The following ZIM2 variants were observed in gnomAD, a reference collection of about 807,000 sequenced individuals.
The protein encoded by ZIM2 is zinc finger imprinted 2.
ZIM2 carries 14 observed loss-of-function variants against 38.6 expected under a neutral mutation model. That is an observed-to-expected ratio of 0.36 (90% CI 0.24 to 0.57). The LOEUF (loss-of-function observed/expected upper bound fraction) is 0.57. Among genes scored for constraint, ZIM2 ranks in the 20% least tolerant of loss-of-function variants. ZIM2 has a pLI of 0.81. For missense variants in ZIM2, 680 were observed against 695.1 expected (o/e 0.98, Z 0.24); for synonymous variants, 247 against 245.8 (o/e 1.00, Z -0.04).
At chr19:56,800,081 T>C (rs1445477430) in intron 9 of ZIM2, among the ~76,000 whole-genome samples, 1 of 152,164 alleles carries the variant, frequency 6.6e-6, no homozygotes, top group African/African-American at 2.4e-5. Flanking sequence ...GGATTGACAA[T>C]ATTGTTTTGT....
At chr19:56,804,062 G>A (rs1236954678) in intron 9 of ZIM2, among the ~76,000 whole-genome samples, 2 of 152,204 alleles carry the variant, frequency 1.3e-5, no homozygotes, top group East Asian at 1.9e-4. Context: ...CAAAAAGGTG[G>A]CTGGGACTCA....
chr19:56,792,940 G>A (rs561643580), intron 9 of ZIM2: 2 of 152,484 alleles, frequency 1.3e-5, no homozygotes, highest in East Asian at 1.9e-4. Context: ...CTCCTATTAC[G>A]TGCCAGGCAT....
chr19:56,838,262 G>A (rs1455105654), intron 1 of ZIM2, among the ~76,000 whole-genome samples: 1 of 151,976 alleles, frequency 6.6e-6, no homozygotes, highest in Non-Finnish European at 1.5e-5. Context: ...ACCAGGCTCG[G>A]CAGCCCCTAG....
chr19:56,810,023 TA>T, intron 9 of ZIM2: 1 of 413,860 alleles, frequency 2.4e-6, no homozygotes, highest in Non-Finnish European at 3.2e-6. Context: ...TTTATAACTC[TA>T]ACAAAATAAC....
rs138448730 is a variant in ZIM2, at chr19:56,814,877, G to T, written c.490+2869C>A. On this transcript the variant is annotated intron_variant, in intron 9 of 12. Transcript: ENST00000629319. This position sits in a 1 kb window ranked among gnomAD's most constrained non-coding sequence, Gnocchi z 5.8. ...TCACACCCCTTCATGGAATACAACT[G>T]GTCTTGTTCATGGATTCTCTGATGC... 2.5e-6 allele frequency: 4 copies of T among 1,613,962 alleles called. No homozygotes were observed. In the African/African-American group the frequency reaches 5.3e-5, roughly 22 times the overall value.
At chr19:56,787,624 A>G (rs928357695) in intron 10 of ZIM2, among the ~76,000 whole-genome samples, 5 of 147,752 alleles carry the variant, frequency 3.4e-5, no homozygotes, top group African/African-American at 1.3e-4. Context: ...CTCTTTTTCT[A>G]TTGTTTGGAA....
chr19:56,817,920 T>C (rs1423814832), intron 8 of ZIM2, 82 bp from the exon 9 acceptor site: 2 of 1,091,556 alleles, frequency 1.8e-6, no homozygotes, highest in African/African-American at 1.5e-5. Context: ...CATCTTTCAC[T>C]GAGCCACTAA....
intron 9 of ZIM2, chr19:56,813,201 C>CA (rs35563894): frequency 0.024 from 20,378 of 834,092 alleles, 63 homozygotes; most frequent in African/African-American, 0.057. Context: ...CTTCCTCCTC[C>CA]AAAAAAAAAA....
intron 9 of ZIM2, chr19:56,798,415 A>C (rs1318272080): frequency 3.3e-5 from 5 of 152,224 alleles, no homozygotes; most frequent in Admixed American, 3.3e-4. Flanking sequence ...CCATATGCAG[A>C]AAGTTGAAAC....
In ZIM2 at chr19:56,782,116, C is replaced by G; in HGVS notation, c.576G>C (p.Pro192=). ...GAAATGTTCCTAAGTGTTTGAAGTCCGGGAACTATCCCAGAGAGAGGAGAA... is the reference window on the plus strand; with the variant it reads ...GAAATGTTCCTAAGTGTTTGAAGTCGGGGAACTATCCCAGAGAGAGGAGAA... ...DNLPSAGSQF[P]DFKHLGTFLV... Residue 192 remains proline (P), a synonymous_variant, in exon 11 of 13, where the codon CCG becomes CCC. Coordinates refer to ENST00000629319, the MANE Select transcript of ZIM2 (RefSeq NM_001387356.1). The G allele has an allele frequency of 1.2e-6, 2 of 1,613,390 alleles. No homozygotes were observed. The highest frequency in any genetic ancestry group is 2.2e-5 in the South Asian group (2 of 91,022).
At chr19:56,825,922 T>C (rs1216968625) in intron 3 of ZIM2, among the ~76,000 whole-genome samples, 1 of 152,198 alleles carries the variant, frequency 6.6e-6, no homozygotes, top group African/African-American at 2.4e-5. Flanking sequence ...AACTCATGTT[T>C]ACTCGTCTCA....
At chr19:56,792,117 T>G (rs1003606575) in intron 9 of ZIM2, among the ~76,000 whole-genome samples, 1 of 151,216 alleles carries the variant, frequency 6.6e-6, no homozygotes, top group Non-Finnish European at 1.5e-5. Flanking sequence ...TGAACAAAGC[T>G]GATACACTCA....
At chr19:56,837,627 G>A (rs753900327) in intron 1 of ZIM2, among the ~76,000 whole-genome samples, 1 of 152,190 alleles carries the variant, frequency 6.6e-6, no homozygotes, top group Admixed American at 6.5e-5. Context: ...AGATAGCGGG[G>A]GTAGGGCTCA....
At chr19:56,815,796 A>G (rs2059925727) in intron 9 of ZIM2, 1 of 1,613,580 alleles carries the variant, frequency 6.2e-7, no homozygotes, top group Non-Finnish European at 8.5e-7. Flanking sequence ...TGCCCCCTTC[A>G]CAAGGGTTCT....
chr19:56,816,052 C>G (rs35947541), intron 9 of ZIM2: 4 of 1,598,618 alleles, frequency 2.5e-6, no homozygotes, highest in Admixed American at 1.7e-5. Context: ...TTTTGGTTTA[C>G]TGGGCCCTGC....
At position 56,821,744 on chromosome 19, in the gene ZIM2, C is replaced by T. The variant is rs550751491; in HGVS notation, c.201G>A (p.Pro67=). ...CCACCACAGGAAGGGAAAGATCCCG[C>T]GGAGGCATCCCTGGGAAGAAAAAAG... ...HTRNPRSRMP[P]RDLSLPVVAK... Residue 67 remains proline, a synonymous_variant, in exon 7 of 13, where the codon CCG becomes CCA. Transcript: ENST00000629319. 181 of 1,613,908 alleles carry T rather than the reference C, an allele frequency of 1.1e-4. 1 individual carries two copies. The East Asian group carries it at 1.4e-3, about 12-fold the overall frequency.
chr19:56,836,165 G>C (rs192051237), intron 1 of ZIM2, 61 bp from the exon 2 acceptor site: 117 of 434,116 alleles, frequency 2.7e-4, no homozygotes, highest in Non-Finnish European at 4.0e-4. Flanking sequence ...GGTTCCTCAG[G>C]GGGGAACAAT....
intron 9 of ZIM2, among the ~76,000 whole-genome samples, chr19:56,803,713 T>C (rs1376877288): frequency 6.6e-6 from 1 of 152,134 alleles, no homozygotes; most frequent in Non-Finnish European, 1.5e-5. Context: ...AGTGGGACAT[T>C]GAGGTAATTA....
chr19:56,812,322 C>T, intron 9 of ZIM2: 1 of 982,046 alleles, frequency 1.0e-6, no homozygotes, highest in Non-Finnish European at 1.2e-6. Flanking sequence ...CAGAAATACT[C>T]TAGGAGAGCT....
Sources: gnomAD v4.1 joint callset for allele counts (sites outside exome capture counted in the v4.1 genomes callset) on GRCh38, gnomAD v4.1.1 for gene constraint, Gnocchi (gnomAD v3.1) non-coding constraint, MANE v1.5 for transcripts, NCBI Gene and HGNC (gene_info 2026-07-23, HGNC 2026-07-21) for gene names.